TBC1D5: variants seen among roughly 807,000 people sequenced by gnomAD.
TBC1D5 encodes the protein TBC1 domain family member 5.
In TBC1D5, 75 loss-of-function variants were observed where a neutral mutation model predicts 100.3. That is an observed-to-expected ratio of 0.75 (90% CI 0.62 to 0.91). The LOEUF (loss-of-function observed/expected upper bound fraction) is 0.91, where lower values mean the gene tolerates loss of function less well. Among genes scored for constraint, TBC1D5 ranks in the 40% least tolerant of loss-of-function variants. The probability of loss-of-function intolerance (pLI) is 0.00; values close to 1 mark genes in which losing one functional copy is unlikely to be tolerated. For synonymous variants in TBC1D5, 323 were observed against 325.6 expected (o/e 0.99, Z 0.09); for missense variants, 910 against 942.4 (o/e 0.97, Z 0.45).
chr3:17,377,131 G>T (rs2152111083), intron 9 of TBC1D5, among the ~76,000 whole-genome samples: 1 of 152,194 alleles, frequency 6.6e-6, no homozygotes, highest in East Asian at 1.9e-4. Context: ...ACAACCTTAA[G>T]AAGGTATGAC....
At chr3:17,602,700 G>A (rs1204251108) in intron 2 of TBC1D5, among the ~76,000 whole-genome samples, 2 of 147,134 alleles carry the variant, frequency 1.4e-5, no homozygotes, top group Admixed American at 7.0e-5. Flanking sequence ...AGCCTCCCAA[G>A]TAGCCGAGAC....
Position 17,570,031 on chromosome 3 carries a change from G to A in TBC1D5, c.-36+53818C>T, listed in dbSNP as rs115131596. On this transcript the variant is annotated intron_variant, in intron 2 of 21. Transcript: ENST00000253692. Reference sequence around the variant, plus strand: ...TTTTACAGGTACTAGAAAGTCAGAGGTTCCACCATTGGTATGAGAATGGTC... The same window carrying A: ...TTTTACAGGTACTAGAAAGTCAGAGATTCCACCATTGGTATGAGAATGGTC... Among the ~76,000 whole-genome samples the A allele has an allele frequency of 6.2e-3, 939 of 151,944 alleles. 4 individuals carry two copies. The highest frequency in any genetic ancestry group is 0.021 in the Middle Eastern group (6 of 292).
At chr3:17,694,384 G>A (rs2153835374) in intron 1 of TBC1D5, among the ~76,000 whole-genome samples, 1 of 152,318 alleles carries the variant, frequency 6.6e-6, no homozygotes, top group South Asian at 2.1e-4. Context: ...AGAACAAACA[G>A]TGTAGAGAAG....
chr3:17,319,853 C>T lies in TBC1D5; in HGVS notation c.996-11719G>A, dbSNP rs536384068. Among the ~76,000 whole-genome samples the T allele has an allele frequency of 8.6e-5, 13 of 151,980 alleles. 1 individual carries two copies. In the East Asian group the frequency reaches 2.3e-3, roughly 27 times the overall value. On this transcript the variant is annotated intron_variant, in intron 13 of 21. Transcript: ENST00000253692. ...CCACTGCACTCCAGCCTGGGCGACACAGCGAGACTCTGTCTCAAAAGAAAA... is the reference window on the plus strand; with the variant it reads ...CCACTGCACTCCAGCCTGGGCGACATAGCGAGACTCTGTCTCAAAAGAAAA...
chr3:17,311,803 G>A (rs565894719), intron 13 of TBC1D5, among the ~76,000 whole-genome samples: 1 of 152,004 alleles, frequency 6.6e-6, no homozygotes, highest in African/African-American at 2.4e-5. Context: ...CATTATAAGG[G>A]CATCTTGAGT....
At chr3:17,636,216 A>G (rs966036793) in intron 1 of TBC1D5, among the ~76,000 whole-genome samples, 2 of 151,850 alleles carry the variant, frequency 1.3e-5, no homozygotes, top group Admixed American at 6.6e-5. Flanking sequence ...TTCAGATGGG[A>G]AAAAAAACAG....
chr3:17,540,905 C>CAA (rs71634807), intron 2 of TBC1D5, among the ~76,000 whole-genome samples: 1,395 of 31,378 alleles, frequency 0.044, 167 homozygotes, highest in African/African-American at 0.17. Context: ...GGCTCCATCT[C>CAA]AAAAAAAAAA....
chr3:17,373,682 A>C (rs2092576119), intron 12 of TBC1D5, among the ~76,000 whole-genome samples: 2 of 152,174 alleles, frequency 1.3e-5, no homozygotes, highest in Admixed American at 1.3e-4. Context: ...CAGGCATAAA[A>C]AGAAATACTG....
chr3:17,683,799 C>T (rs573013450), intron 1 of TBC1D5, among the ~76,000 whole-genome samples: 27 of 152,194 alleles, frequency 1.8e-4, no homozygotes, highest in Middle Eastern at 3.4e-3. Flanking sequence ...TGAAGATCAA[C>T]GAATAATCCA....
intron 17 of TBC1D5, among the ~76,000 whole-genome samples, chr3:17,223,959 A>AAT (rs772661212): frequency 2.9e-4 from 44 of 152,224 alleles, no homozygotes; most frequent in Admixed American, 1.5e-3. Context: ...AGACTATGCC[A>AAT]ATATATATAA....
At chr3:17,304,990 C>G (rs2083263517) in intron 14 of TBC1D5, among the ~76,000 whole-genome samples, 1 of 151,962 alleles carries the variant, frequency 6.6e-6, no homozygotes. Flanking sequence ...AACAAACAAA[C>G]AAAGAAAACC....
intron 1 of TBC1D5, among the ~76,000 whole-genome samples, chr3:17,723,807 A>C (rs2075884811): frequency 6.6e-6 from 1 of 152,164 alleles, no homozygotes; most frequent in African/African-American, 2.4e-5. Context: ...GTAAGCTATT[A>C]GTAGTTAAGT....
intron 2 of TBC1D5, among the ~76,000 whole-genome samples, chr3:17,521,690 G>C (rs1360589537): frequency 6.6e-6 from 1 of 152,014 alleles, no homozygotes; most frequent in African/African-American, 2.4e-5. Flanking sequence ...TGTGAACTTT[G>C]TTAATTTGTT....
chr3:17,574,437 AC>A (rs2096645449), intron 2 of TBC1D5, among the ~76,000 whole-genome samples: 1 of 151,994 alleles, frequency 6.6e-6, no homozygotes, highest in African/African-American at 2.4e-5. Flanking sequence ...TGCTCTAAAG[AC>A]TGCTTTACCA....
At chr3:17,327,808 G>A (rs1246667974) in intron 13 of TBC1D5, among the ~76,000 whole-genome samples, 3 of 152,062 alleles carry the variant, frequency 2.0e-5, no homozygotes, top group African/African-American at 7.2e-5. Context: ...TTTTCTGTGT[G>A]TTGCTGTATG....
chr3:17,714,092 G>A (rs2075014763), intron 1 of TBC1D5, among the ~76,000 whole-genome samples: 1 of 152,110 alleles, frequency 6.6e-6, no homozygotes, highest in Non-Finnish European at 1.5e-5. Flanking sequence ...TCCCTCTCTG[G>A]TTCCAGAGAG....
intron 3 of TBC1D5, among the ~76,000 whole-genome samples, chr3:17,466,411 T>G (rs1020238748): frequency 6.6e-6 from 1 of 152,180 alleles, no homozygotes; most frequent in Non-Finnish European, 1.5e-5. Flanking sequence ...TACAACAAGT[T>G]CCTCAACTGA....
chr3:17,199,734 A>G (rs1282950453), intron 18 of TBC1D5, among the ~76,000 whole-genome samples: 1 of 152,220 alleles, frequency 6.6e-6, no homozygotes, highest in African/African-American at 2.4e-5. Flanking sequence ...GCCACCAGGA[A>G]TAAAAAGGTG....
intron 2 of TBC1D5, among the ~76,000 whole-genome samples, chr3:17,582,656 C>A: frequency 1.4e-5 from 2 of 147,614 alleles, no homozygotes; most frequent in Non-Finnish European, 1.5e-5. Context: ...GATTTAGGAG[C>A]CCAAAAGTAC....
Sources: gnomAD v4.1 joint callset for allele counts (sites outside exome capture counted in the v4.1 genomes callset) on GRCh38, gnomAD v4.1.1 for gene constraint, MANE v1.5 for transcripts, NCBI Gene and HGNC (gene_info 2026-07-23, HGNC 2026-07-21) for gene names.